Variants in CHST8 observed in about 807,000 individuals in gnomAD.
CHST8 encodes the protein GALNAC-4-ST1.
A neutral mutation model predicts 15.0 loss-of-function variants in CHST8; 10 were observed. The ratio of observed to expected loss-of-function variants is 0.67; its 90% CI spans 0.41 to 1.13. CHST8 has a LOEUF of 1.13. Ranked by LOEUF, CHST8 falls within the 50% of genes most tolerant of loss-of-function variation. The pLI, the probability that CHST8 is intolerant of heterozygous loss-of-function variation, is 0.00. For synonymous variants in CHST8, 259 were observed against 256.6 expected, an observed-to-expected ratio of 1.01 and a Z score of -0.09; for missense variants, 634 against 608.2, an observed-to-expected ratio of 1.04 and a Z score of -0.45.
chr19:33,757,498 GAAAGAAAGAAAGAAAGAAAGAAAGAGAA>G (rs1974603111), intron 3 of CHST8, among the ~76,000 whole-genome samples: 3 of 47,134 alleles, frequency 6.4e-5, no homozygotes, highest in Admixed American at 2.4e-4. Flanking sequence ...AAGAAAGAAA[GAAAGAAAGAAAGAAAGAAAGAAAGAGAA>G]AGAAAGAAAG....
intron 3 of CHST8, among the ~76,000 whole-genome samples, chr19:33,735,163 AG>A (rs1249365118): frequency 6.6e-6 from 1 of 152,194 alleles, no homozygotes; most frequent in Non-Finnish European, 1.5e-5. Context: ...GAGATGGAAG[AG>A]AGGGCAGGGT....
chr19:33,682,241 G>A (rs960317147), intron 2 of CHST8, among the ~76,000 whole-genome samples: 2 of 137,496 alleles, frequency 1.5e-5, no homozygotes, highest in African/African-American at 5.6e-5. Flanking sequence ...TGCCCTGACT[G>A]GAGTGCAGTG....
chr19:33,772,134 A>C lies in CHST8; in HGVS notation c.346A>C (p.Ile116Leu), dbSNP rs1294281350. The C allele has an allele frequency of 6.2e-7, 1 of 1,609,294 alleles. No homozygotes were observed. The highest frequency in any genetic ancestry group is 2.2e-5 in the East Asian group (1 of 44,790). ...RLRQRRRRLL[I>L]KKMPAAATIP... ...CCGCCAGCGCCGTCGCCGTCTGCTC[A>C]TCAAGAAAATGCCAGCTGCGGCGAC... Residue 116 changes from isoleucine (I) to leucine (L), a missense_variant, in exon 5 of 5, where the codon ATC (isoleucine) becomes CTC (leucine). By Grantham distance (5) the Ile-to-Leu change is conservative. Transcript: ENST00000650847.
intron 3 of CHST8, among the ~76,000 whole-genome samples, chr19:33,742,958 A>G (rs1040119348): frequency 6.6e-6 from 1 of 152,136 alleles, no homozygotes; most frequent in Admixed American, 6.5e-5. Flanking sequence ...CACTGCCTAC[A>G]TTCAGCCCTG....
chr19:33,654,477 A>G (rs1488355343), intron 1 of CHST8, among the ~76,000 whole-genome samples: 1 of 152,138 alleles, frequency 6.6e-6, no homozygotes, highest in East Asian at 1.9e-4. Context: ...AAACATTGGT[A>G]GCCCTGTGCT....
chr19:33,752,293 C>T (rs1447975218), intron 3 of CHST8, among the ~76,000 whole-genome samples: 1 of 152,182 alleles, frequency 6.6e-6, no homozygotes, highest in Non-Finnish European at 1.5e-5. Flanking sequence ...ATTACTCGAC[C>T]CACGCGTGAG....
chr19:33,769,163 C>T (rs147914728), intron 3 of CHST8, among the ~76,000 whole-genome samples: 186 of 152,344 alleles, frequency 1.2e-3, no homozygotes, highest in African/African-American at 4.3e-3. Flanking sequence ...CACTGCCCTC[C>T]GAGGCTGTGG....
intron 1 of CHST8, among the ~76,000 whole-genome samples, chr19:33,642,296 C>T (rs752081371): frequency 5.3e-5 from 8 of 151,604 alleles, no homozygotes; most frequent in Non-Finnish European, 8.8e-5. Context: ...AGCAGAGGGC[C>T]CCCCCCCACT....
At chr19:33,697,432 A>T (rs544049251) in intron 3 of CHST8, among the ~76,000 whole-genome samples, 80 of 151,412 alleles carry the variant, frequency 5.3e-4, no homozygotes, top group African/African-American at 1.9e-3. Context: ...GGGTTTCGCC[A>T]TGTTGCCCAG....
At chr19:33,765,508 A>G (rs533333012) in intron 3 of CHST8, among the ~76,000 whole-genome samples, 1 of 118,034 alleles carries the variant, frequency 8.5e-6, no homozygotes, top group African/African-American at 3.4e-5. Flanking sequence ...GACAAATGCC[A>G]GTCTTTGTGT....
intron 1 of CHST8, among the ~76,000 whole-genome samples, chr19:33,634,188 T>C (rs1972161293): frequency 6.6e-6 from 1 of 152,160 alleles, no homozygotes; most frequent in Non-Finnish European, 1.5e-5. Flanking sequence ...TATGCATGAG[T>C]GTTCCGTACG....
Position 33,676,089 on chromosome 19 carries a change from T to C in CHST8, c.-87+8246T>C, listed in dbSNP as rs187307165. 3.2e-3 allele frequency among the ~76,000 whole-genome samples: 491 copies of C among 151,350 alleles called. 1 individual carries two copies. The highest frequency in any genetic ancestry group is 0.011 in the African/African-American group (450 of 41,290). The stretch of plus-strand genomic sequence containing the variant: ...GGATCACTTGAGTCCTCTTTCATTA[T>C]AGAGGGAGCAATGGGTGGTGGACCT... On this transcript the variant is annotated intron_variant, in intron 2 of 4. Coordinates refer to ENST00000650847, the MANE Select transcript of CHST8 (RefSeq NM_001127895.2).
chr19:33,770,317 G>A (rs1016548181), intron 3 of CHST8, among the ~76,000 whole-genome samples: 2 of 152,180 alleles, frequency 1.3e-5, no homozygotes, highest in Non-Finnish European at 1.5e-5. Flanking sequence ...GCCCCGGCGC[G>A]CCAGCCAGAA....
rs1013712435 is a variant in CHST8, at chr19:33,773,211, G to C, written c.*148G>C. ...CTGTGGGAGGCAGCAGGCCCCGGGT[G>C]GGGGGCAGAGGCGCCCAGCCTTGGA... On this transcript the variant is annotated 3_prime_UTR_variant, in exon 5 of 5. Coordinates refer to ENST00000650847, the MANE Select transcript of CHST8 (RefSeq NM_001127895.2). 3.3e-6 allele frequency: 3 copies of C among 902,624 alleles called. No homozygotes were observed. The highest frequency in any genetic ancestry group is 1.7e-5 in the African/African-American group (1 of 59,454). 55.9% of individuals were successfully genotyped at this position (902,624 alleles called of 1,614,324 possible).
intron 3 of CHST8, among the ~76,000 whole-genome samples, chr19:33,757,209 G>C (rs1974563079): frequency 6.6e-6 from 1 of 151,642 alleles, no homozygotes; most frequent in South Asian, 2.1e-4. Context: ...GGGCAACATA[G>C]TAAAACCCCG....
In CHST8 at chr19:33,740,583, G is replaced by T. The variant is rs144453561; in HGVS notation, c.131-30830G>T. On this transcript the variant is annotated intron_variant, in intron 3 of 4. Transcript: ENST00000650847. ...GTAAGTCGGACTGTCATACCACTGT[G>T]TTGAAACTGCAGCACGAAGTTTCTC... 4.6e-5 allele frequency among the ~76,000 whole-genome samples: 7 copies of T among 152,330 alleles called. No individual in the cohort carries two copies. In the East Asian group the frequency reaches 1.3e-3, roughly 29 times the overall value.
At chr19:33,707,113 G>A (rs990492147) in intron 3 of CHST8, among the ~76,000 whole-genome samples, 1 of 152,160 alleles carries the variant, frequency 6.6e-6, no homozygotes, top group Non-Finnish European at 1.5e-5. Flanking sequence ...AGACTAAAGT[G>A]CAGGTCAGAG....
chr19:33,769,823 T>A (rs1974934409), intron 3 of CHST8, among the ~76,000 whole-genome samples: 2 of 151,998 alleles, frequency 1.3e-5, no homozygotes, highest in Non-Finnish European at 1.5e-5. Context: ...CATGTGCACA[T>A]AAGCTTGGGA....
intron 3 of CHST8, among the ~76,000 whole-genome samples, chr19:33,696,169 T>C (rs1973214644): frequency 6.6e-6 from 1 of 152,126 alleles, no homozygotes; most frequent in Non-Finnish European, 1.5e-5. Context: ...GGCACTTAGG[T>C]TGGTTCCGTA....
Sources: gnomAD v4.1 joint callset for allele counts (sites outside exome capture counted in the v4.1 genomes callset) on GRCh38, gnomAD v4.1.1 for gene constraint, MANE v1.5 for transcripts, NCBI Gene and HGNC (gene_info 2026-07-23, HGNC 2026-07-21) for gene names.